The following PPM1E variants were observed in gnomAD, a reference collection of about 807,000 sequenced individuals.
PPM1E encodes the protein protein phosphatase, Mg2+/Mn2+ dependent 1E.
A neutral mutation model predicts 65.9 loss-of-function variants in PPM1E; 20 were observed. That is an observed-to-expected ratio of 0.30 (90% CI 0.21 to 0.44). The LOEUF (loss-of-function observed/expected upper bound fraction) is 0.44, where lower values mean the gene tolerates loss of function less well. PPM1E is among the 20% of genes least tolerant of loss of function. The pLI is 1.00. For synonymous variants in PPM1E, 352 were observed against 374.9 expected (o/e 0.94, Z 0.70); for missense variants, 713 against 953.1 (o/e 0.75, Z 3.32).
At chr17:58,936,031 G>T (rs1346989751) in intron 1 of PPM1E, among the ~76,000 whole-genome samples, 2 of 150,704 alleles carry the variant, frequency 1.3e-5, no homozygotes, top group African/African-American at 2.4e-5. Context: ...GATTTCTGTT[G>T]TGAACCCCAA....
intron 1 of PPM1E, among the ~76,000 whole-genome samples, chr17:58,806,302 C>T (rs192961205): frequency 4.4e-4 from 67 of 150,940 alleles, no homozygotes; most frequent in Non-Finnish European, 7.5e-4. Flanking sequence ...ATCATTTTGC[C>T]GAGAAAATTA....
At chr17:58,854,041 C>T (rs2143275351) in intron 1 of PPM1E, among the ~76,000 whole-genome samples, 1 of 152,230 alleles carries the variant, frequency 6.6e-6, no homozygotes, top group Admixed American at 6.5e-5. Context: ...ATATTAACCC[C>T]TTCAGTTCAT....
At chr17:58,768,366 T>C (rs2049903433) in intron 1 of PPM1E, among the ~76,000 whole-genome samples, 1 of 152,162 alleles carries the variant, frequency 6.6e-6, no homozygotes, top group African/African-American at 2.4e-5. Context: ...AGGTATGAGC[T>C]ACCTTGCCTG....
Position 58,978,392 on chromosome 17 carries a change from G to C in PPM1E, c.1211-1582G>C, listed in dbSNP as rs114086112. 8.5e-3 allele frequency among the ~76,000 whole-genome samples: 1,299 copies of C among 152,040 alleles called. 19 individuals are homozygous for C. Among genetic ancestry groups the C allele is most frequent in the African/African-American group, 0.029 (1,211 of 41,364 alleles). ...ATTATTGCTCAGTACCCTGTGTGTG[G>C]TTTTGTTTTTATTTTTTTGTAAAGA... is the stretch of plus-strand genomic sequence containing the variant. On this transcript the variant is annotated intron_variant, in intron 6 of 6. Transcript: ENST00000308249.
intron 1 of PPM1E, among the ~76,000 whole-genome samples, chr17:58,928,677 T>C (rs2071943108): frequency 6.6e-6 from 1 of 151,688 alleles, no homozygotes; most frequent in Non-Finnish European, 1.5e-5. Flanking sequence ...TGAAAACATA[T>C]ATCTACGAAA....
chr17:58,923,597 TAGCC>T (rs2051782734), intron 1 of PPM1E, among the ~76,000 whole-genome samples: 1 of 151,496 alleles, frequency 6.6e-6, no homozygotes, highest in African/African-American at 2.4e-5. Context: ...AATAAAAAAT[TAGCC>T]AGGTGTGGTG....
At chr17:58,840,391 A>G (rs929343384) in intron 1 of PPM1E, among the ~76,000 whole-genome samples, 1 of 152,254 alleles carries the variant, frequency 6.6e-6, no homozygotes. Flanking sequence ...CAGGTTAACA[A>G]GGACCTACTT....
At chr17:58,939,702 T>C (rs1411637992) in intron 1 of PPM1E, among the ~76,000 whole-genome samples, 2 of 152,170 alleles carry the variant, frequency 1.3e-5, no homozygotes, top group Non-Finnish European at 2.9e-5. Flanking sequence ...TTATATGCCT[T>C]AGACATAAAA....
chr17:58,958,223 T>G (rs539782334), intron 2 of PPM1E, among the ~76,000 whole-genome samples: 1 of 151,690 alleles, frequency 6.6e-6, no homozygotes, highest in Non-Finnish European at 1.5e-5. Context: ...TTTTTTTTTT[T>G]AGAGAGAGAA....
chr17:58,843,022 C>T (rs2050735046), intron 1 of PPM1E, among the ~76,000 whole-genome samples: 3 of 151,622 alleles, frequency 2.0e-5, no homozygotes, highest in Admixed American at 2.0e-4. Flanking sequence ...CTGGGTGGCT[C>T]ATGCCTGTAA....
intron 1 of PPM1E, among the ~76,000 whole-genome samples, chr17:58,896,225 C>G (rs2051414660): frequency 6.6e-6 from 1 of 152,046 alleles, no homozygotes; most frequent in Non-Finnish European, 1.5e-5. Context: ...TCCCTTAAGC[C>G]AAAGCCTAAT....
At chr17:58,843,069 G>A (rs761825864) in intron 1 of PPM1E, among the ~76,000 whole-genome samples, 2 of 151,532 alleles carry the variant, frequency 1.3e-5, no homozygotes, top group Non-Finnish European at 2.9e-5. Context: ...GGCAGATCAC[G>A]AGGTCAGGAG....
At chr17:58,909,465 C>A (rs536272369) in intron 1 of PPM1E, among the ~76,000 whole-genome samples, 1 of 152,212 alleles carries the variant, frequency 6.6e-6, no homozygotes, top group South Asian at 2.1e-4. Context: ...GCTATGTTGC[C>A]CTGTCTGGTC....
intron 1 of PPM1E, among the ~76,000 whole-genome samples, chr17:58,817,614 G>A (rs1018498422): frequency 2.0e-5 from 3 of 152,114 alleles, no homozygotes; most frequent in African/African-American, 7.2e-5. Context: ...AGTGAAACAT[G>A]CTGTAAATAA....
At chr17:58,945,088 G>A (rs2052128989) in intron 1 of PPM1E, among the ~76,000 whole-genome samples, 1 of 151,236 alleles carries the variant, frequency 6.6e-6, no homozygotes. Flanking sequence ...TTTCCCTAAT[G>A]ACTAATGATG....
intron 1 of PPM1E, among the ~76,000 whole-genome samples, chr17:58,839,877 C>G (rs906563935): frequency 6.6e-6 from 1 of 152,070 alleles, no homozygotes; most frequent in Non-Finnish European, 1.5e-5. Flanking sequence ...TGGGTATGTG[C>G]ACAAGTTAGT....
chr17:58,796,932 C>T (rs2050212782), intron 1 of PPM1E, among the ~76,000 whole-genome samples: 1 of 152,006 alleles, frequency 6.6e-6, no homozygotes, highest in African/African-American at 2.4e-5. Context: ...ATGGTGAAAC[C>T]CCGTCTCTAC....
chr17:58,805,949 TAAAA>T (rs1163979989), intron 1 of PPM1E, among the ~76,000 whole-genome samples: 2 of 21,680 alleles, frequency 9.2e-5, no homozygotes, highest in African/African-American at 4.1e-4. Context: ...GCTGTTCTGC[TAAAA>T]AAAAAAACAA....
At chr17:58,954,214 C>T (rs1318416463) in intron 1 of PPM1E, among the ~76,000 whole-genome samples, 1 of 152,208 alleles carries the variant, frequency 6.6e-6, no homozygotes, top group Non-Finnish European at 1.5e-5. Flanking sequence ...CTCTCCCTCT[C>T]TCACCTCTAC....
Sources: gnomAD v4.1 joint callset for allele counts (sites outside exome capture counted in the v4.1 genomes callset) on GRCh38, gnomAD v4.1.1 for gene constraint, MANE v1.5 for transcripts, NCBI Gene and HGNC (gene_info 2026-07-23, HGNC 2026-07-21) for gene names.